BBX: variants seen among roughly 807,000 people sequenced by gnomAD.
BBX encodes HMG box transcription factor BBX.
In BBX, 30 loss-of-function variants were observed where a neutral mutation model predicts 100.2. That is an observed-to-expected ratio of 0.30 (90% CI 0.22 to 0.41). BBX has a LOEUF of 0.41. Ranked by LOEUF, BBX falls within the 10% of genes least tolerant of loss-of-function variation. BBX has a pLI of 1.00. For missense variants in BBX, 1,023 were observed against 1,129.8 expected, an observed-to-expected ratio of 0.91 and a Z score of 1.35; for synonymous variants, 376 against 388.1, an observed-to-expected ratio of 0.97 and a Z score of 0.37.
At chr3:107,718,533 A>T (rs969125098) in intron 5 of BBX, among the ~76,000 whole-genome samples, 1 of 151,964 alleles carries the variant, frequency 6.6e-6, no homozygotes, top group Non-Finnish European at 1.5e-5. Context: ...ATAAATAATT[A>T]TCTGAAACCT....
chr3:107,779,024 C>T (rs199722941), intron 13 of BBX, among the ~76,000 whole-genome samples: 71,994 of 83,290 alleles, frequency 0.86, 31,147 homozygotes, highest in East Asian at 0.99. Context: ...TATATATACA[C>T]ACACACACAC....
At chr3:107,646,237 A>G (rs2057512002) in intron 3 of BBX, 1 of 151,650 alleles carries the variant, frequency 6.6e-6, no homozygotes, top group African/African-American at 2.4e-5. Context: ...AATAGGTATT[A>G]AATTGATCTG....
At chr3:107,765,440 G>GGTGGGT (rs1387261506) in intron 10 of BBX, among the ~76,000 whole-genome samples, 1 of 151,848 alleles carries the variant, frequency 6.6e-6, no homozygotes, top group Non-Finnish European at 1.5e-5. Flanking sequence ...TGGGTTTAGG[G>GGTGGGT]GTGGGTGTGG....
At chr3:107,655,648 G>A (rs1320172735) in intron 3 of BBX, among the ~76,000 whole-genome samples, 1 of 149,940 alleles carries the variant, frequency 6.7e-6, no homozygotes, top group African/African-American at 2.5e-5. Flanking sequence ...CCTCCCAATA[G>A]CCAGGACTTC....
intron 2 of BBX, among the ~76,000 whole-genome samples, chr3:107,579,997 AT>A (rs1386036757): frequency 6.6e-6 from 1 of 151,494 alleles, no homozygotes; most frequent in Non-Finnish European, 1.5e-5. Context: ...ATGGCGGTGG[AT>A]TTTTTTTCCC....
At chr3:107,598,730 C>G (rs987817274) in intron 2 of BBX, among the ~76,000 whole-genome samples, 2 of 152,172 alleles carry the variant, frequency 1.3e-5, no homozygotes, top group African/African-American at 4.8e-5. Flanking sequence ...GTATTATAAC[C>G]TTTGCTACAT....
intron 4 of BBX, among the ~76,000 whole-genome samples, chr3:107,715,058 A>G (rs960871165): frequency 6.6e-6 from 1 of 152,218 alleles, no homozygotes; most frequent in African/African-American, 2.4e-5. Context: ...TGCTGGGATT[A>G]CAGGCATGAG....
chr3:107,743,918 G>GTTTTTTTTTTTTTTTTTTTTTTTTTGT (rs34762783), intron 7 of BBX, among the ~76,000 whole-genome samples: 1 of 56,622 alleles, frequency 1.8e-5, no homozygotes, highest in Non-Finnish European at 3.1e-5. Flanking sequence ...TGTTTTAGTG[G>GTTTTTTTTTTTTTTTTTTTTTTTTTGT]TTTTTTTTTT....
chr3:107,787,081 C>T (rs2068507711), intron 13 of BBX, among the ~76,000 whole-genome samples: 1 of 152,104 alleles, frequency 6.6e-6, no homozygotes, highest in African/African-American at 2.4e-5. Flanking sequence ...CATATCAAAA[C>T]CACAATGGGA....
chr3:107,573,298 G>A (rs541089566), intron 2 of BBX, among the ~76,000 whole-genome samples: 18 of 152,246 alleles, frequency 1.2e-4, no homozygotes, highest in African/African-American at 2.9e-4. Context: ...GGTGGCTCAC[G>A]TCTGTAATCC....
intron 13 of BBX, among the ~76,000 whole-genome samples, chr3:107,785,296 C>T (rs4855767): frequency 0.44 from 66,156 of 151,462 alleles, 15,881 homozygotes; most frequent in East Asian, 0.93. Context: ...GAAAAGTAAA[C>T]ACTTCCCAAT....
intron 2 of BBX, among the ~76,000 whole-genome samples, chr3:107,611,372 T>C (rs1438866267): frequency 2.0e-5 from 3 of 152,178 alleles, no homozygotes; most frequent in Non-Finnish European, 4.4e-5. Flanking sequence ...TAATGTCTTT[T>C]TCTTTCAGAT....
chr3:107,669,389 A>G (rs142723030), intron 3 of BBX, among the ~76,000 whole-genome samples: 1 of 152,248 alleles, frequency 6.6e-6, no homozygotes, highest in Non-Finnish European at 1.5e-5. Flanking sequence ...TGGGCCTTGA[A>G]TACATCTTCT....
chr3:107,671,441 G>T (rs1192492432), intron 3 of BBX, among the ~76,000 whole-genome samples: 1 of 151,842 alleles, frequency 6.6e-6, no homozygotes, highest in Non-Finnish European at 1.5e-5. Context: ...TTATTTTTCT[G>T]ATCCTCAGAG....
At chr3:107,725,982 T>A (rs901707669) in intron 5 of BBX, among the ~76,000 whole-genome samples, 1 of 152,058 alleles carries the variant, frequency 6.6e-6, no homozygotes, top group African/African-American at 2.4e-5. Flanking sequence ...GGAGGATAAG[T>A]GAGCTTCTCC....
chr3:107,618,319 G>A (rs2055456349), intron 2 of BBX, among the ~76,000 whole-genome samples: 1 of 151,952 alleles, frequency 6.6e-6, no homozygotes, highest in African/African-American at 2.4e-5. Flanking sequence ...AGGAATATTA[G>A]TGTGTGTCTT....
intron 3 of BBX, among the ~76,000 whole-genome samples, chr3:107,690,882 G>GCCCC (rs33924823): frequency 1.2e-5 from 1 of 85,638 alleles, no homozygotes; most frequent in African/African-American, 5.2e-5. Flanking sequence ...TCACTTTGAT[G>GCCCC]CCCCCCCCCC....
Position 107,584,003 on chromosome 3 carries a change from TATA to T in BBX, c.-84+57606_-84+57608del, listed in dbSNP as rs2052512567. 3.9e-5 allele frequency among the ~76,000 whole-genome samples: 3 copies of T among 77,834 alleles called. 1 individual carries two copies. The allele number at this position is 77,834 out of a possible 152,430, so 51.1% of individuals were successfully genotyped here. ...ATATTATTATATATTATTATATTAT[TATA>T]TATATTATACATATTATTATATATA... On this transcript the variant is annotated intron_variant, in intron 2 of 17. Transcript: ENST00000325805.
intron 3 of BBX, among the ~76,000 whole-genome samples, chr3:107,703,985 A>G (rs868409744): frequency 1.3e-5 from 2 of 152,156 alleles, no homozygotes; most frequent in South Asian, 4.1e-4. Context: ...GAGAGTTGGC[A>G]GATTGAAGAG....
Sources: allele counts gnomAD v4.1 joint callset (sites outside exome capture counted in the v4.1 genomes callset), GRCh38; gene constraint gnomAD v4.1.1; transcripts MANE v1.5; gene names NCBI Gene and HGNC (gene_info 2026-07-23, HGNC 2026-07-21).